The following IFT43 variants were observed in gnomAD, a reference collection of about 807,000 sequenced individuals.
IFT43 encodes intraflagellar transport 43, also known as intraflagellar transport protein 43 homolog.
IFT43 carries 33 observed loss-of-function variants against 32.3 expected under a neutral mutation model. The observed-to-expected ratio is 1.02, with a 90% confidence interval of 0.77 to 1.37. The LOEUF (loss-of-function observed/expected upper bound fraction) is 1.37. Ranked by LOEUF, IFT43 falls within the 40% of genes most tolerant of loss-of-function variation. The probability of loss-of-function intolerance (pLI) is 0.00; values close to 1 mark genes in which losing one functional copy is unlikely to be tolerated. For missense variants in IFT43, 274 were observed against 265.9 expected (o/e 1.03, Z -0.21); for synonymous variants, 93 against 98.2 (o/e 0.95, Z 0.31).
chr14:76,047,508 T>C (rs773076062), intron 3 of IFT43, among the ~76,000 whole-genome samples: 17 of 152,078 alleles, frequency 1.1e-4, no homozygotes, highest in Non-Finnish European at 2.2e-4. Flanking sequence ...GAGAGGAGTA[T>C]AAAGGGGGAA....
At chr14:76,020,941 A>G (rs2036278604) in intron 2 of IFT43, among the ~76,000 whole-genome samples, 1 of 152,100 alleles carries the variant, frequency 6.6e-6, no homozygotes, top group African/African-American at 2.4e-5. Context: ...AGCTGGGTAG[A>G]CTGGCCATCA....
intron 5 of IFT43, among the ~76,000 whole-genome samples, chr14:76,061,673 A>G (rs2037137612): frequency 1.3e-5 from 2 of 152,048 alleles, no homozygotes; most frequent in Admixed American, 6.6e-5. Context: ...CCTTTTGTAT[A>G]TCTTCCATTA....
intron 3 of IFT43, among the ~76,000 whole-genome samples, chr14:76,047,088 G>A (rs2036820990): frequency 6.6e-6 from 1 of 152,234 alleles, no homozygotes; most frequent in Admixed American, 6.5e-5. Context: ...CCATCCCTGA[G>A]GGTGGAGTCC....
At chr14:76,050,091 C>T (rs1213341855) in intron 3 of IFT43, among the ~76,000 whole-genome samples, 1 of 152,220 alleles carries the variant, frequency 6.6e-6, no homozygotes, top group Non-Finnish European at 1.5e-5. Context: ...TGGTTTCCCT[C>T]CTGCAGCTTT....
At chr14:76,074,872 C>G (rs887802312) in intron 5 of IFT43, among the ~76,000 whole-genome samples, 4 of 152,196 alleles carry the variant, frequency 2.6e-5, no homozygotes, top group Admixed American at 2.0e-4. Flanking sequence ...TCCAAACCCC[C>G]CTCCCCAACC....
rs115025480 is a variant in IFT43 at position 76,017,460 on chromosome 14, G to C, written c.148-4867G>C. On this transcript the variant is annotated intron_variant, in intron 2 of 8. Coordinates refer to ENST00000314067, the MANE Select transcript of IFT43 (RefSeq NM_001102564.3). Reference sequence around the variant, plus strand: ...GTTGGATTCAGTTTGCTCGTATTTTGTTGGGGATTTTTGCATCCTATGTTC... The same window carrying C: ...GTTGGATTCAGTTTGCTCGTATTTTCTTGGGGATTTTTGCATCCTATGTTC... Among the ~76,000 whole-genome samples, 1,514 of 152,132 alleles carry C rather than the reference G, an allele frequency of 1.0e-2. 27 individuals are homozygous for C. Among genetic ancestry groups the C allele is most frequent in the African/African-American group, 0.034 (1,412 of 41,510 alleles).
At chr14:76,013,221 A>G (rs935566515) in intron 2 of IFT43, among the ~76,000 whole-genome samples, 1 of 152,206 alleles carries the variant, frequency 6.6e-6, no homozygotes, top group Admixed American at 6.5e-5. Context: ...CAGACTCATA[A>G]CATTTGAAGA....
intron 5 of IFT43, among the ~76,000 whole-genome samples, chr14:76,062,917 C>CAAAAAAAAAAAAAAAAAAAAAAAAAA (rs746158153): frequency 5.5e-5 from 4 of 72,476 alleles, no homozygotes; most frequent in African/African-American, 1.8e-4. Context: ...GATCCCATCT[C>CAAAAAAAAAAAAAAAAAAAAAAAAAA]AAAAAAAAAA....
rs1039849290 is a variant in IFT43, at chr14:76,043,866, C to T, written c.216-14776C>T. On this transcript the variant is annotated intron_variant, in intron 3 of 8. Transcript: ENST00000314067. ...GTCCCACAAGACTGTCCCACATTTCCAGTGCCAGTTGCAAGCCCTGGGTTG... is the reference window on the plus strand; with the variant it reads ...GTCCCACAAGACTGTCCCACATTTCTAGTGCCAGTTGCAAGCCCTGGGTTG... 4.6e-5 allele frequency among the ~76,000 whole-genome samples: 7 copies of T among 152,142 alleles called. No homozygotes were observed. The East Asian group carries it at 1.3e-3, about 29-fold the overall frequency.
At position 75,988,871 on chromosome 14, in the gene IFT43, G is replaced by A. The variant is rs758094089; in HGVS notation, c.55-14G>A. 6.8e-6 allele frequency: 11 copies of A among 1,613,658 alleles called. No individual in the cohort carries two copies. The highest frequency in any genetic ancestry group is 9.3e-6 in the Non-Finnish European group (11 of 1,179,984). ...GACATTTGGGTCAGCAGTGCCTTCT[G>A]TTTCTCCTTACAGAGGGCCAAGATG... On this transcript the variant is annotated splice_polypyrimidine_tract_variant and intron_variant, in intron 1 of 8. Transcript: ENST00000314067.
intron 3 of IFT43, among the ~76,000 whole-genome samples, chr14:76,031,354 G>A (rs987738052): frequency 6.6e-6 from 1 of 152,038 alleles, no homozygotes; most frequent in Non-Finnish European, 1.5e-5. Flanking sequence ...CACCTTTATC[G>A]TATTCTAAAT....
intron 2 of IFT43, among the ~76,000 whole-genome samples, chr14:76,006,551 A>G (rs1379862063): frequency 6.6e-6 from 1 of 152,216 alleles, no homozygotes; most frequent in Non-Finnish European, 1.5e-5. Context: ...GGAGAAATCC[A>G]AGAACAATGT....
At position 75,992,186 on chromosome 14, in the gene IFT43, G is replaced by C. The variant is rs1001534200; in HGVS notation, c.147+3209G>C. Reference sequence around the variant, plus strand: ...TGGTGAAGGAAGCAGAAAGAACACAGGGCTTCGCACCAGAGGACTGGGTGC... The same window carrying C: ...TGGTGAAGGAAGCAGAAAGAACACACGGCTTCGCACCAGAGGACTGGGTGC... On this transcript the variant is annotated intron_variant, in intron 2 of 8. Coordinates refer to ENST00000314067, the MANE Select transcript of IFT43 (RefSeq NM_001102564.3). 2.6e-4 allele frequency among the ~76,000 whole-genome samples: 39 copies of C among 152,206 alleles called. 1 individual carries two copies. The highest frequency in any genetic ancestry group is 1.5e-4 in the Non-Finnish European group (10 of 68,042).
chr14:75,996,078 C>T (rs2035741554), intron 2 of IFT43, among the ~76,000 whole-genome samples: 1 of 152,204 alleles, frequency 6.6e-6, no homozygotes, highest in African/African-American at 2.4e-5. Context: ...AACATGCTTT[C>T]TTGCTGGCTT....
intron 2 of IFT43, among the ~76,000 whole-genome samples, chr14:76,015,154 A>C (rs2139935378): frequency 6.6e-6 from 1 of 152,076 alleles, no homozygotes; most frequent in Middle Eastern, 3.4e-3. Flanking sequence ...GTTATTAATT[A>C]AGTCCGTCTC....
chr14:75,997,879 T>C (rs1243239285), intron 2 of IFT43, among the ~76,000 whole-genome samples: 1 of 151,984 alleles, frequency 6.6e-6, no homozygotes, highest in Non-Finnish European at 1.5e-5. Flanking sequence ...TTAGCTAGAG[T>C]GGTCTTGTAA....
intron 2 of IFT43, among the ~76,000 whole-genome samples, chr14:76,009,539 G>C (rs1251402604): frequency 6.6e-6 from 1 of 152,034 alleles, no homozygotes; most frequent in Admixed American, 6.6e-5. Flanking sequence ...TTTTGTCTCT[G>C]TCTCCTTCAT....
chr14:76,051,867 A>G (rs2036919788), intron 3 of IFT43, among the ~76,000 whole-genome samples: 1 of 152,072 alleles, frequency 6.6e-6, no homozygotes, highest in South Asian at 2.1e-4. Context: ...CTCTTTTGTA[A>G]TGGGAATCAT....
chr14:76,043,656 A>G (rs1215750236), intron 3 of IFT43, among the ~76,000 whole-genome samples: 1 of 152,202 alleles, frequency 6.6e-6, no homozygotes, highest in Non-Finnish European at 1.5e-5. Flanking sequence ...TCTTGGCACA[A>G]TGTGGAAACT....
Sources: gnomAD v4.1 joint callset for allele counts (sites outside exome capture counted in the v4.1 genomes callset) on GRCh38, gnomAD v4.1.1 for gene constraint, MANE v1.5 for transcripts, NCBI Gene and HGNC (gene_info 2026-07-23, HGNC 2026-07-21) for gene names.